Variants in GALNT10 observed in about 807,000 individuals in gnomAD.
GALNT10 encodes GalNAc transferase 10.
GALNT10 carries 41 observed loss-of-function variants against 75.0 expected under a neutral mutation model. The observed-to-expected ratio is 0.55, with a 90% CI of 0.43 to 0.71. The LOEUF (loss-of-function observed/expected upper bound fraction) is 0.71, where lower values mean the gene tolerates loss of function less well. Ranked by LOEUF, GALNT10 falls within the 30% of genes least tolerant of loss-of-function variation. The pLI is 0.00. For missense variants in GALNT10, 727 were observed against 818.5 expected (o/e 0.89, Z 1.36); for synonymous variants, 302 against 313.0 (o/e 0.96, Z 0.37).
chr5:154,416,864 A>C lies in GALNT10; in HGVS notation c.1704A>C (p.Glu568Asp). Reference sequence around the variant, plus strand: ...GTGGCAGCTGCATGGACTGCAGTGAAAGTGACCATAGGATCTTCATGAACA... The same window carrying C: ...GTGGCAGCTGCATGGACTGCAGTGACAGTGACCATAGGATCTTCATGAACA... ...PVSGSCMDCSESDHRIFMNTC... is the reference protein window; with the variant it reads ...PVSGSCMDCSDSDHRIFMNTC... The change falls in exon 12 of 12, where the codon GAA becomes GAC. Residue 568 changes from glutamate to aspartate, a missense_variant. Transcript: ENST00000297107. This position sits in a 1 kb window ranked among gnomAD's most constrained non-coding sequence, Gnocchi z 4.5. 1 of 1,613,208 alleles carries C rather than the reference A, an allele frequency of 6.2e-7. No individual in the cohort carries two copies. The highest frequency in any genetic ancestry group is 1.1e-5 in the South Asian group (1 of 91,054).
At chr5:154,383,069 C>G (rs770138601) in intron 6 of GALNT10, among the ~76,000 whole-genome samples, 3 of 152,156 alleles carry the variant, frequency 2.0e-5, no homozygotes, top group Non-Finnish European at 2.9e-5. Flanking sequence ...TTTAAAGCTC[C>G]CAGGTGATGC....
At chr5:154,386,024 A>C (rs1755801513) in intron 6 of GALNT10, among the ~76,000 whole-genome samples, 1 of 152,176 alleles carries the variant, frequency 6.6e-6, no homozygotes, top group African/African-American at 2.4e-5. Flanking sequence ...ATGCAGCTAC[A>C]GGGCCCATGT....
intron 1 of GALNT10, among the ~76,000 whole-genome samples, chr5:154,227,794 A>G (rs1443352713): frequency 1.3e-5 from 2 of 150,838 alleles, no homozygotes; most frequent in African/African-American, 4.9e-5. Flanking sequence ...ATGATTTTAG[A>G]CTTTACATTT....
At chr5:154,404,699 A>T (rs2113212902) in intron 8 of GALNT10, among the ~76,000 whole-genome samples, 1 of 152,330 alleles carries the variant, frequency 6.6e-6, no homozygotes, top group Middle Eastern at 3.4e-3. Context: ...TGATGTAAAA[A>T]AACATGTTAG....
chr5:154,371,438 AC>A lies in GALNT10; in HGVS notation c.569-4837del, dbSNP rs138200500. ...CTTATGCCACAGTCCACCCGGTAGA[AC>A]CATCATCAGAGTCCTAAGAACCCTT... On this transcript the variant is annotated intron_variant, in intron 4 of 11. Transcript: ENST00000297107. Among the ~76,000 whole-genome samples the A allele has an allele frequency of 1.6e-3, 236 of 152,176 alleles. 1 individual carries two copies. The highest frequency in any genetic ancestry group is 6.8e-3 in the Middle Eastern group (2 of 294).
chr5:154,239,716 T>C (rs1004032641), intron 1 of GALNT10, among the ~76,000 whole-genome samples: 10 of 152,198 alleles, frequency 6.6e-5, no homozygotes, highest in Non-Finnish European at 1.2e-4. Flanking sequence ...CGCCCATTCC[T>C]GTCCTCAACC....
At chr5:154,285,309 A>G (rs6885686) in intron 1 of GALNT10, among the ~76,000 whole-genome samples, 41,822 of 151,940 alleles carry the variant, frequency 0.28, 6,319 homozygotes, top group African/African-American at 0.4. Flanking sequence ...TTCTTTCTTG[A>G]CTATGTGTCA....
At chr5:154,332,561 C>G (rs1402465807) in intron 4 of GALNT10, among the ~76,000 whole-genome samples, 6 of 152,184 alleles carry the variant, frequency 3.9e-5, no homozygotes, top group Non-Finnish European at 7.4e-5. Flanking sequence ...GTTTGTTGAG[C>G]TGTTTATTCA....
At chr5:154,271,409 T>A (rs1025445821) in intron 1 of GALNT10, among the ~76,000 whole-genome samples, 2 of 152,136 alleles carry the variant, frequency 1.3e-5, no homozygotes, top group Non-Finnish European at 2.9e-5. Context: ...GAGGTTGCAG[T>A]GAGCCGAGAT....
chr5:154,394,730 A>G (rs1018291089), intron 7 of GALNT10, among the ~76,000 whole-genome samples: 2 of 152,224 alleles, frequency 1.3e-5, no homozygotes, highest in Non-Finnish European at 2.9e-5. Flanking sequence ...CAGGGCCACC[A>G]TCAGGCAACT....
chr5:154,418,347 T>TGTC lies in GALNT10; in HGVS notation c.*1375_*1376insGTC, dbSNP rs1756558229. 6.6e-6 allele frequency: 1 copy of TGTC among 152,300 alleles called. No individual in the cohort carries two copies. The highest frequency in any genetic ancestry group is 2.4e-5 in the African/African-American group (1 of 41,452). 9.4% of individuals were successfully genotyped at this position (152,300 alleles called of 1,614,324 possible). Reference sequence around the variant, plus strand: ...TCCCACAGCCAGATATACACCCAGCTCCATGCCAGCCCTTCATGTTTACCT... The same window carrying TGTC: ...TCCCACAGCCAGATATACACCCAGCTGTCCCATGCCAGCCCTTCATGTTTACCT... On this transcript the variant is annotated 3_prime_UTR_variant, in exon 12 of 12. Transcript: ENST00000297107.
intron 4 of GALNT10, among the ~76,000 whole-genome samples, chr5:154,339,043 A>G (rs540822836): frequency 1.4e-4 from 22 of 152,350 alleles, no homozygotes; most frequent in Non-Finnish European, 1.3e-4. Context: ...AACCTCCCTT[A>G]GAGGTGAAAT....
In GALNT10 at chr5:154,409,580, G is replaced by A. The variant is rs202225318; in HGVS notation, c.1204G>A (p.Ala402Thr). 23 of 1,613,652 alleles carry A rather than the reference G, an allele frequency of 1.4e-5. No homozygotes were observed. Among genetic ancestry groups the A allele is most frequent in the Middle Eastern group, 1.6e-4 (1 of 6,084 alleles). The stretch of plus-strand genomic sequence containing the variant: ...GGCCGAAGTGTGGATGGATGAGTAC[G>A]CAGAGTACATTTACCAGCGCCGGCC... ...RVAEVWMDEY[A>T]EYIYQRRPEY... is the part of the protein sequence containing the mutation. Residue 402 changes from alanine to threonine, a missense_variant, in exon 9 of 12, where the codon GCA (alanine) becomes ACA (threonine). Physicochemically the swap from Ala to Thr is moderately conservative, Grantham distance 58. Transcript: ENST00000297107. The surrounding 1 kb of genome is among the most constrained non-coding windows in gnomAD (Gnocchi z 4.5).
At chr5:154,326,590 A>G (rs562016661) in intron 3 of GALNT10, among the ~76,000 whole-genome samples, 1 of 152,374 alleles carries the variant, frequency 6.6e-6, no homozygotes, top group South Asian at 2.1e-4. Flanking sequence ...GCATTGATGC[A>G]TGCTACAACA....
intron 2 of GALNT10, 92 bp from the exon 3 acceptor site, chr5:154,297,849 G>A: frequency 2.6e-6 from 3 of 1,165,062 alleles, no homozygotes; most frequent in Non-Finnish European, 3.7e-6. Context: ...TTTTATCTTG[G>A]AGGTTTAATC....
chr5:154,270,255 T>C (rs780789337), intron 1 of GALNT10, among the ~76,000 whole-genome samples: 1 of 149,642 alleles, frequency 6.7e-6, no homozygotes, highest in Non-Finnish European at 1.5e-5. Flanking sequence ...GCCCTGAAGT[T>C]GGAACAGTAG....
At chr5:154,307,421 C>A (rs903730281) in intron 3 of GALNT10, among the ~76,000 whole-genome samples, 8 of 152,050 alleles carry the variant, frequency 5.3e-5, no homozygotes, top group Non-Finnish European at 1.2e-4. Context: ...GAGATTGAGA[C>A]CATCCTGGCT....
chr5:154,391,650 A>G (rs966168487), intron 7 of GALNT10, among the ~76,000 whole-genome samples: 4 of 152,198 alleles, frequency 2.6e-5, no homozygotes, highest in Admixed American at 6.5e-5. Flanking sequence ...TTGCTTACAG[A>G]TAACCAAAAC....
intron 7 of GALNT10, among the ~76,000 whole-genome samples, chr5:154,394,442 A>G: frequency 6.6e-6 from 1 of 151,836 alleles, no homozygotes; most frequent in East Asian, 1.9e-4. Flanking sequence ...AGCAAGGGTG[A>G]TATTGCAACC....
Sources: gnomAD v4.1 joint callset for allele counts (sites outside exome capture counted in the v4.1 genomes callset) on GRCh38, gnomAD v4.1.1 for gene constraint, Gnocchi (gnomAD v3.1) non-coding constraint, MANE v1.5 for transcripts, NCBI Gene and HGNC (gene_info 2026-07-23, HGNC 2026-07-21) for gene names.